Variants in NXNL2 observed in about 807,000 individuals in gnomAD.
NXNL2 encodes nucleoredoxin-like protein 2.
NXNL2 carries 7 observed loss-of-function variants against 11.1 expected under a neutral mutation model. The ratio of observed to expected loss-of-function variants is 0.63; its 90% CI spans 0.36 to 1.18. The LOEUF (loss-of-function observed/expected upper bound fraction) is 1.18, where lower values mean the gene tolerates loss of function less well. NXNL2 is among the 50% of genes most tolerant of loss of function. The probability of loss-of-function intolerance (pLI) is 0.02; values close to 1 mark genes in which losing one functional copy is unlikely to be tolerated. For missense variants in NXNL2, 233 were observed against 217.7 expected (o/e 1.07, Z -0.44); for synonymous variants, 109 against 101.8 (o/e 1.07, Z -0.42).
chr9:88,544,775 T>C lies in NXNL2; in HGVS notation c.*228T>C. 3 of 1,280,370 alleles carry C rather than the reference T, an allele frequency of 2.3e-6. No individual in the cohort carries two copies. The South Asian group carries it at 7.1e-5, about 30-fold the overall frequency. The allele number at this position is 1,280,370 out of a possible 1,614,324, so 79.3% of individuals were successfully genotyped here. ...ATAGTTATTTTTGTTATTCTTTGCATACCTTTATCCACCTGTGCTTAAGGA... is the reference window on the plus strand; with the variant it reads ...ATAGTTATTTTTGTTATTCTTTGCACACCTTTATCCACCTGTGCTTAAGGA... On this transcript the variant is annotated 3_prime_UTR_variant, in exon 2 of 2. Coordinates refer to ENST00000375854, the MANE Select transcript of NXNL2 (RefSeq NM_001161625.2).
intron 1 of NXNL2, among the ~76,000 whole-genome samples, chr9:88,556,063 C>T (rs963420662): frequency 2.0e-5 from 3 of 152,212 alleles, no homozygotes; most frequent in Non-Finnish European, 2.9e-5. Context: ...GGAGACACAG[C>T]AACCCTGGAG....
At chr9:88,567,367 G>A (rs1830191681) in intron 1 of NXNL2, among the ~76,000 whole-genome samples, 1 of 152,100 alleles carries the variant, frequency 6.6e-6, no homozygotes, top group Admixed American at 6.6e-5. Flanking sequence ...TCCAACTCTT[G>A]ACTTCGTGAT....
At chr9:88,567,614 G>A (rs930252633) in intron 1 of NXNL2, among the ~76,000 whole-genome samples, 9 of 152,168 alleles carry the variant, frequency 5.9e-5, no homozygotes, top group Non-Finnish European at 2.9e-5. Flanking sequence ...ATGAATTGGT[G>A]AAAGAGTAAA....
At chr9:88,555,981 G>T (rs1252686861) in intron 1 of NXNL2, among the ~76,000 whole-genome samples, 1 of 152,222 alleles carries the variant, frequency 6.6e-6, no homozygotes, top group Non-Finnish European at 1.5e-5. Flanking sequence ...GCTGGACCAG[G>T]TGTGCCTTGA....
downstream of NXNL2, among the ~76,000 whole-genome samples, chr9:88,548,117 TTG>T (rs1400784833): frequency 6.7e-6 from 1 of 150,136 alleles, no homozygotes; most frequent in Non-Finnish European, 1.5e-5. Flanking sequence ...GGTGGGTGGA[TTG>T]CCTGAGGTCA....
At chr9:88,542,758 G>C (rs1423173459) in intron 1 of NXNL2, among the ~76,000 whole-genome samples, 1 of 152,188 alleles carries the variant, frequency 6.6e-6, no homozygotes, top group Non-Finnish European at 1.5e-5. Context: ...TTCTCTCTCT[G>C]TTGAGCGTAG....
chr9:88,538,770 C>T (rs1438450737), intron 1 of NXNL2, among the ~76,000 whole-genome samples: 1 of 152,242 alleles, frequency 6.6e-6, no homozygotes, highest in Non-Finnish European at 1.5e-5. Context: ...ACAGTAAGAA[C>T]AGCTAGCATT....
In NXNL2 at chr9:88,542,330, C is replaced by T. The variant is rs183371821; in HGVS notation, c.303-2049C>T. On this transcript the variant is annotated intron_variant, in intron 1 of 1. Coordinates refer to ENST00000375854, the MANE Select transcript of NXNL2 (RefSeq NM_001161625.2). ...TTGAGACAGAGTCTCACTCTGTCAC[C>T]CAGGCTGGAGTGCAGTGGCGCGATC... Among the ~76,000 whole-genome samples the T allele has an allele frequency of 3.8e-4, 57 of 151,520 alleles. No homozygotes were observed. The South Asian group carries it at 5.7e-3, about 15-fold the overall frequency.
downstream of NXNL2, among the ~76,000 whole-genome samples, chr9:88,548,388 G>A (rs1829876726): frequency 7.5e-6 from 1 of 133,930 alleles, no homozygotes. Context: ...AAAAAGCTGG[G>A]TGCTGTAGCT....
intron 1 of NXNL2, among the ~76,000 whole-genome samples, chr9:88,542,481 G>C (rs186428506): frequency 1.2e-4 from 18 of 151,704 alleles, no homozygotes; most frequent in African/African-American, 2.4e-4. Context: ...GCAGAGACAG[G>C]GTTTCACCGT....
chr9:88,584,303 G>A (rs1180678467), downstream of NXNL2: 1 of 152,222 alleles, frequency 6.6e-6, no homozygotes, highest in Admixed American at 6.5e-5. Flanking sequence ...TTATAAGGGT[G>A]GGGCCTTAAT....
At chr9:88,564,205 C>T (rs1456166618) in intron 1 of NXNL2, among the ~76,000 whole-genome samples, 1 of 147,998 alleles carries the variant, frequency 6.8e-6, no homozygotes, top group Non-Finnish European at 1.5e-5. Flanking sequence ...GAGCGAAACT[C>T]CATTTGAAAA....
At chr9:88,575,281 T>G in exon 3 of NXNL2, 1 of 438,556 alleles carries the variant, frequency 2.3e-6, no homozygotes, top group Non-Finnish European at 3.0e-6. Flanking sequence ...GAAGCCAGTA[T>G]ATTGAAGAGG....
At chr9:88,553,962 A>G (rs79685579) in intron 1 of NXNL2, among the ~76,000 whole-genome samples, 3,044 of 152,254 alleles carry the variant, frequency 0.02, 107 homozygotes, top group African/African-American at 0.069. Flanking sequence ...AGGTAAATGT[A>G]TTGTATTAGT....
chr9:88,565,325 C>G (rs1291586090), intron 1 of NXNL2, among the ~76,000 whole-genome samples: 1 of 152,160 alleles, frequency 6.6e-6, no homozygotes, highest in Non-Finnish European at 1.5e-5. Flanking sequence ...GGACATGGGA[C>G]TGCAGATATC....
intron 1 of NXNL2, among the ~76,000 whole-genome samples, chr9:88,580,887 CTTT>C (rs33964026): frequency 0.32 from 47,942 of 151,956 alleles, 11,093 homozygotes; most frequent in East Asian, 0.89. Context: ...GACCTTCAGA[CTTT>C]TTTTAAAGAG....
At chr9:88,557,603 A>G (rs983602261) in intron 1 of NXNL2, among the ~76,000 whole-genome samples, 2 of 152,220 alleles carry the variant, frequency 1.3e-5, no homozygotes, top group Non-Finnish European at 2.9e-5. Context: ...AACAGCTAAG[A>G]CAGGAGGCAG....
At chr9:88,562,748 T>C (rs893540038) in intron 1 of NXNL2, among the ~76,000 whole-genome samples, 4 of 144,426 alleles carry the variant, frequency 2.8e-5, no homozygotes, top group African/African-American at 1.0e-4. Context: ...CAAGACTCTG[T>C]CTCAAAAAAA....
rs115759868 is a variant in NXNL2, at chr9:88,560,663, G to A, written c.303-10424G>A. Among the ~76,000 whole-genome samples the A allele has an allele frequency of 6.6e-3, 998 of 152,264 alleles. 7 individuals carry two copies. The highest frequency in any genetic ancestry group is 0.022 in the African/African-American group (910 of 41,556). On this transcript the variant is annotated intron_variant, in intron 1 of 2. Transcript: ENST00000375855. ...GTGCATTGTAAATCCCTGCTATTGT[G>A]GATGCTGAGGTTGGAGATCGCTTGA...
Sources: gnomAD v4.1 joint callset for allele counts (sites outside exome capture counted in the v4.1 genomes callset) on GRCh38, gnomAD v4.1.1 for gene constraint, MANE v1.5 for transcripts, NCBI Gene and HGNC (gene_info 2026-07-23, HGNC 2026-07-21) for gene names.